Variants in DLGAP1 observed in about 807,000 individuals in gnomAD.
DLGAP1 encodes the protein disks large-associated protein 1.
A neutral mutation model predicts 90.8 loss-of-function variants in DLGAP1; 11 were observed. The ratio of observed to expected loss-of-function variants is 0.12; its 90% CI spans 0.08 to 0.20. The LOEUF is 0.20. Ranked by LOEUF, DLGAP1 falls within the 10% of genes least tolerant of loss-of-function variation. The pLI, the probability that DLGAP1 is intolerant of heterozygous loss-of-function variation, is 1.00. For missense variants in DLGAP1, 1,050 were observed against 1,333.8 expected, an observed-to-expected ratio of 0.79 and a Z score of 3.31; for synonymous variants, 558 against 540.7, an observed-to-expected ratio of 1.03 and a Z score of -0.44.
chr18:4,049,106 A>G (rs1034576136), intron 2 of DLGAP1, among the ~76,000 whole-genome samples: 19 of 151,882 alleles, frequency 1.3e-4, no homozygotes. Flanking sequence ...ACATCTCTGT[A>G]GTTCCAGCTA....
In DLGAP1 at chr18:3,498,324, C is replaced by G. The variant is rs2049761982; in HGVS notation, c.*861G>C. 1 of 152,176 alleles carries G rather than the reference C, an allele frequency of 6.6e-6. No individual in the cohort carries two copies. The highest frequency in any genetic ancestry group is 2.4e-5 in the African/African-American group (1 of 41,434). 9.4% of individuals were successfully genotyped at this position (152,176 alleles called of 1,614,324 possible). A position where few individuals can be genotyped will look rare whatever the true frequency, so the allele number is the denominator to read the frequency against. On this transcript the variant is annotated 3_prime_UTR_variant, in exon 13 of 13. Transcript: ENST00000315677. Reference sequence around the variant, plus strand: ...TACAATAAGAGTTGAGAAAACATTTCAGGTCTAGATTTTCTTAATAATAGA... The same window carrying G: ...TACAATAAGAGTTGAGAAAACATTTGAGGTCTAGATTTTCTTAATAATAGA...
At chr18:4,110,956 G>A (rs1406338737) in intron 2 of DLGAP1, among the ~76,000 whole-genome samples, 4 of 152,014 alleles carry the variant, frequency 2.6e-5, no homozygotes, top group African/African-American at 7.3e-5. Flanking sequence ...AAGTCCTATC[G>A]ACTTACAAAT....
At chr18:3,593,434 T>C (rs989989750) in intron 7 of DLGAP1, among the ~76,000 whole-genome samples, 2 of 152,156 alleles carry the variant, frequency 1.3e-5, no homozygotes, top group African/African-American at 4.8e-5. Flanking sequence ...GATCAGAGGC[T>C]GTTGGGGTGG....
At chr18:4,330,426 C>G (rs959199503) in intron 1 of DLGAP1, among the ~76,000 whole-genome samples, 1 of 151,432 alleles carries the variant, frequency 6.6e-6, no homozygotes, top group Non-Finnish European at 1.5e-5. Context: ...ATTTTCTTTT[C>G]TTGCCATATA....
Position 4,151,188 on chromosome 18 carries a change from A to G in DLGAP1, c.-167T>C, listed in dbSNP as rs572689713. On this transcript the variant is annotated 5_prime_UTR_variant, in exon 2 of 13. Transcript: ENST00000315677. Reference sequence around the variant, plus strand: ...AAAGGGGGCAGTTTTACCTTTGATTATCAATTGTCCATTTTCCTTGCTTCC... The same window carrying G: ...AAAGGGGGCAGTTTTACCTTTGATTGTCAATTGTCCATTTTCCTTGCTTCC... The G allele has an allele frequency of 5.3e-5, 8 of 152,342 alleles. No individual in the cohort carries two copies. The highest frequency in any genetic ancestry group is 1.9e-4 in the African/African-American group (8 of 41,578). The allele number at this position is 152,342 out of a possible 1,614,324, so 9.4% of individuals were successfully genotyped here.
At chr18:3,770,661 C>A (rs928711561) in intron 5 of DLGAP1, among the ~76,000 whole-genome samples, 2 of 151,860 alleles carry the variant, frequency 1.3e-5, no homozygotes, top group African/African-American at 4.9e-5. Flanking sequence ...TGTGAAGAAT[C>A]ATTAACTTCA....
At chr18:3,503,360 G>A (rs1174825498) in intron 11 of DLGAP1, among the ~76,000 whole-genome samples, 3 of 152,148 alleles carry the variant, frequency 2.0e-5, no homozygotes, top group African/African-American at 4.8e-5. Flanking sequence ...CTAAGTGATA[G>A]TAAACATTCT....
At chr18:4,377,118 T>C (rs2082029735) in intron 1 of DLGAP1, among the ~76,000 whole-genome samples, 1 of 152,096 alleles carries the variant, frequency 6.6e-6, no homozygotes, top group Admixed American at 6.6e-5. Flanking sequence ...GTCACTGTTA[T>C]GCATTTCCCA....
At chr18:3,553,065 T>A (rs1018266154) in intron 9 of DLGAP1, among the ~76,000 whole-genome samples, 7 of 152,178 alleles carry the variant, frequency 4.6e-5, no homozygotes, top group Non-Finnish European at 8.8e-5. Context: ...GCCTCCAAGA[T>A]ACATGTGTAT....
chr18:3,499,490 A>T lies in DLGAP1; in HGVS notation c.2725-96T>A. 2 of 1,313,938 alleles carry T rather than the reference A, an allele frequency of 1.5e-6. No homozygotes were observed. Among genetic ancestry groups the T allele is most frequent in the Non-Finnish European group, 1.0e-6 (1 of 954,126 alleles). 81.4% of individuals were successfully genotyped at this position (1,313,938 alleles called of 1,614,324 possible). On this transcript the variant is annotated intron_variant, in intron 12 of 12. Transcript: ENST00000315677. This position sits in a 1 kb window ranked among gnomAD's most constrained non-coding sequence, Gnocchi z 6.4. ...CAGTAGTTAGAACACACAGTTTTTT[A>T]CCTAGGGGTGGTTAGTTCTGATCTG...
chr18:3,928,130 T>C (rs951989933), intron 3 of DLGAP1, among the ~76,000 whole-genome samples: 6 of 152,210 alleles, frequency 3.9e-5, no homozygotes, highest in South Asian at 4.1e-4. Context: ...CTGCTTCTTA[T>C]GGTATTCTGT....
At chr18:3,629,138 A>T (rs944032441) in intron 7 of DLGAP1, among the ~76,000 whole-genome samples, 16 of 152,214 alleles carry the variant, frequency 1.1e-4, no homozygotes, top group African/African-American at 3.9e-4. Context: ...GTTACACTTT[A>T]TAATTTTTTG....
chr18:4,008,336 T>C (rs2074347868), intron 2 of DLGAP1, among the ~76,000 whole-genome samples: 1 of 152,156 alleles, frequency 6.6e-6, no homozygotes, highest in African/African-American at 2.4e-5. Context: ...GTCATCTCTT[T>C]GTAAAACTGC....
At chr18:3,546,414 C>CAAA (rs58897010) in intron 9 of DLGAP1, among the ~76,000 whole-genome samples, 1 of 122,364 alleles carries the variant, frequency 8.2e-6, no homozygotes, top group African/African-American at 3.0e-5. Context: ...AACCTTGTCT[C>CAAA]AAAAAAAAAA....
At chr18:4,366,452 C>T (rs976073944) in intron 1 of DLGAP1, among the ~76,000 whole-genome samples, 1 of 152,010 alleles carries the variant, frequency 6.6e-6, no homozygotes, top group Non-Finnish European at 1.5e-5. Context: ...ACTGTCAATA[C>T]AAGAATTATT....
At chr18:4,175,375 G>A (rs2077089825) in intron 1 of DLGAP1, among the ~76,000 whole-genome samples, 1 of 151,912 alleles carries the variant, frequency 6.6e-6, no homozygotes, top group African/African-American at 2.4e-5. Flanking sequence ...GTTGTCTGTT[G>A]ACTCTGATGA....
intron 3 of DLGAP1, among the ~76,000 whole-genome samples, chr18:4,002,267 A>G (rs12957853): frequency 1 from 152,241 of 152,266 alleles, 76,108 homozygotes; most frequent in Middle Eastern, 1. Flanking sequence ...GTTGTACTTT[A>G]TTAGTAAGCA....
chr18:4,220,317 T>C (rs2078048844), intron 1 of DLGAP1, among the ~76,000 whole-genome samples: 1 of 152,086 alleles, frequency 6.6e-6, no homozygotes, highest in Non-Finnish European at 1.5e-5. Context: ...TTAGATTCTA[T>C]GGCTCATAAT....
chr18:4,320,209 C>G (rs773533713), intron 1 of DLGAP1, among the ~76,000 whole-genome samples: 13 of 152,056 alleles, frequency 8.5e-5, no homozygotes, highest in Non-Finnish European at 1.8e-4. Context: ...CTTCCTCCCA[C>G]GATTTTCACA....
Sources: gnomAD v4.1 joint callset for allele counts (sites outside exome capture counted in the v4.1 genomes callset) on GRCh38, gnomAD v4.1.1 for gene constraint, Gnocchi (gnomAD v3.1) non-coding constraint, MANE v1.5 for transcripts, NCBI Gene and HGNC (gene_info 2026-07-23, HGNC 2026-07-21) for gene names.